Variants in HACD1 observed in about 807,000 individuals in gnomAD.
The protein encoded by HACD1 is very-long-chain (3R)-3-hydroxyacyl-CoA dehydratase 1.
HACD1 carries 41 observed loss-of-function variants against 32.0 expected under a neutral mutation model. The observed-to-expected ratio is 1.28, with a 90% CI of 1.00 to 1.66. The LOEUF is 1.66. HACD1 is among the 40% of genes most tolerant of loss of function. The probability of loss-of-function intolerance (pLI) is 0.00; values close to 1 mark genes in which losing one functional copy is unlikely to be tolerated. For missense variants in HACD1, 396 were observed against 380.1 expected (o/e 1.04, Z -0.35); for synonymous variants, 142 against 139.0 (o/e 1.02, Z -0.15).
Position 17,594,334 on chromosome 10 carries a change from G to T in HACD1, c.655C>A (p.Leu219Ile). 2 of 1,580,778 alleles carry T rather than the reference G, an allele frequency of 1.3e-6. No homozygotes were observed. The highest frequency in any genetic ancestry group is 1.2e-5 in the South Asian group (1 of 84,720). Residue 219 changes from leucine (L) to isoleucine (I), a missense_variant, in exon 6 of 7, where the codon CTT becomes ATT. Physicochemically the swap from Leu to Ile is conservative, Grantham distance 5. Transcript: ENST00000361271. The part of the protein sequence containing the change: ...LYPVGVAGEL[L>I]TIYAALPHVK... ...TGCGGCAAGGCAGCGTATATTGTAAGAAGTTCACCAGCAACTCCAACAGGA... is the reference window on the plus strand; with the variant it reads ...TGCGGCAAGGCAGCGTATATTGTAATAAGTTCACCAGCAACTCCAACAGGA...
intron 4 of HACD1, among the ~76,000 whole-genome samples, chr10:17,599,700 A>AT (rs1554816328): frequency 6.6e-6 from 1 of 152,168 alleles, no homozygotes. Flanking sequence ...TGCTGAAACC[A>AT]AAATCTGACC....
chr10:17,611,059 G>A (rs1834228186), intron 1 of HACD1, among the ~76,000 whole-genome samples: 1 of 148,414 alleles, frequency 6.7e-6, no homozygotes, highest in East Asian at 2.0e-4. Flanking sequence ...GGAGTGCAGT[G>A]GCATGGTCTC....
chr10:17,592,741 T>C (rs1833944779), intron 6 of HACD1, among the ~76,000 whole-genome samples: 2 of 152,098 alleles, frequency 1.3e-5, no homozygotes, highest in African/African-American at 2.4e-5. Context: ...TAACCTGCCA[T>C]TGGGAAAAGA....
At chr10:17,616,242 C>CTGCG (rs1564513398) in intron 1 of HACD1, among the ~76,000 whole-genome samples, 1 of 12,562 alleles carries the variant, frequency 8.0e-5, no homozygotes, top group Non-Finnish European at 1.9e-4. Context: ...GCACTCCAGC[C>CTGCG]AAGACCGAGC....
intron 1 of HACD1, among the ~76,000 whole-genome samples, chr10:17,616,243 A>T (rs56243376): frequency 6.6e-6 from 1 of 151,284 alleles, no homozygotes; most frequent in Non-Finnish European, 1.5e-5. Context: ...CACTCCAGCC[A>T]AGACCGAGCG....
intron 1 of HACD1, among the ~76,000 whole-genome samples, chr10:17,611,827 C>T (rs1301427635): frequency 1.3e-5 from 2 of 151,942 alleles, no homozygotes; most frequent in Non-Finnish European, 2.9e-5. Flanking sequence ...ATTAGCCAGG[C>T]GTGGTGGGGG....
intron 1 of HACD1, among the ~76,000 whole-genome samples, chr10:17,616,177 A>G (rs1833080469): frequency 6.6e-6 from 1 of 152,048 alleles, no homozygotes; most frequent in African/African-American, 2.4e-5. Flanking sequence ...GCTGAGGCAG[A>G]AGAAAGGCAT....
At chr10:17,593,092 C>T (rs1006398868) in intron 6 of HACD1, among the ~76,000 whole-genome samples, 1 of 151,918 alleles carries the variant, frequency 6.6e-6, no homozygotes, top group Non-Finnish European at 1.5e-5. Flanking sequence ...ATCCCATGAA[C>T]CTGAGAGGCA....
At chr10:17,592,753 A>C (rs4748388) in intron 6 of HACD1, among the ~76,000 whole-genome samples, 32,477 of 152,136 alleles carry the variant, frequency 0.21, 4,070 homozygotes, top group East Asian at 0.47. Context: ...GGGAAAAGAG[A>C]GGGATGTGAA....
intron 1 of HACD1, among the ~76,000 whole-genome samples, chr10:17,614,919 A>AT (rs1564512808): frequency 2.0e-5 from 3 of 151,542 alleles, no homozygotes; most frequent in Non-Finnish European, 4.4e-5. Flanking sequence ...CGCCCGGCTA[A>AT]TTTTTTGTAT....
At chr10:17,604,791 G>C (rs1042368128) in intron 1 of HACD1, among the ~76,000 whole-genome samples, 1 of 152,166 alleles carries the variant, frequency 6.6e-6, no homozygotes, top group African/African-American at 2.4e-5. Context: ...CTGCTGCCTT[G>C]ACGTCCAGGG....
chr10:17,614,986 T>C (rs2131525626), intron 1 of HACD1, among the ~76,000 whole-genome samples: 1 of 151,744 alleles, frequency 6.6e-6, no homozygotes, highest in Middle Eastern at 3.4e-3. Flanking sequence ...TCTCCTGACC[T>C]CGTGATCCGC....
chr10:17,600,398 G>T (rs556913676), intron 4 of HACD1, among the ~76,000 whole-genome samples: 3 of 152,068 alleles, frequency 2.0e-5, no homozygotes, highest in Non-Finnish European at 4.4e-5. Flanking sequence ...GGAGTGCAGT[G>T]GCATGATCTC....
At chr10:17,612,022 C>T (rs1832990550) in intron 1 of HACD1, among the ~76,000 whole-genome samples, 1 of 150,026 alleles carries the variant, frequency 6.7e-6, no homozygotes, top group African/African-American at 2.5e-5. Flanking sequence ...CCTGTAATCC[C>T]AGCTACTCAT....
chr10:17,616,482 C>G (rs1447499069), intron 1 of HACD1, among the ~76,000 whole-genome samples: 1 of 151,944 alleles, frequency 6.6e-6, no homozygotes, highest in Non-Finnish European at 1.5e-5. Context: ...ATTGTGTAAC[C>G]TTAACTTGCA....
rs1554816730 is a variant in HACD1 at position 17,603,577 on chromosome 10, TA to T, written c.465del (p.Thr156LeufsTer4). On this transcript the variant is annotated frameshift_variant, in exon 4 of 7. Transcript: ENST00000361271. LOFTEE classifies it high-confidence loss of function. The part of the protein sequence containing the change: ...VSSRIFMVWL[I>X]THSIKPIQNE... ...TCACTTACTGGTTTTATACTGTGAG[TA>T]ATGAGCCACACCATAAAGATTCTTG... is the stretch of plus-strand genomic sequence containing the variant. 6.2e-7 allele frequency: 1 copy of T among 1,611,824 alleles called. No individual in the cohort carries two copies. The highest frequency in any genetic ancestry group is 1.1e-5 in the South Asian group (1 of 91,020).
At chr10:17,598,259 CAA>C (rs34543137) in intron 5 of HACD1, among the ~76,000 whole-genome samples, 16,365 of 89,200 alleles carry the variant, frequency 0.18, 763 homozygotes, top group Non-Finnish European at 0.24. Context: ...GACCCTGTCT[CAA>C]AAAAAAAAAA....
chr10:17,602,735 C>G (rs564693258), intron 4 of HACD1, among the ~76,000 whole-genome samples: 3 of 152,082 alleles, frequency 2.0e-5, no homozygotes, highest in Non-Finnish European at 4.4e-5. Context: ...ATAGTCACTA[C>G]GTTGCATAAT....
chr10:17,601,248 G>T (rs1386301171), intron 4 of HACD1, among the ~76,000 whole-genome samples: 1 of 151,988 alleles, frequency 6.6e-6, no homozygotes, highest in Non-Finnish European at 1.5e-5. Context: ...TGGCCAGGCT[G>T]GTCTCGAACT....
Sources: gnomAD v4.1 joint callset for allele counts (sites outside exome capture counted in the v4.1 genomes callset) on GRCh38, gnomAD v4.1.1 for gene constraint, MANE v1.5 for transcripts, NCBI Gene and HGNC (gene_info 2026-07-23, HGNC 2026-07-21) for gene names.